Variants in TMPRSS13 observed in about 807,000 individuals in gnomAD.
TMPRSS13 encodes transmembrane serine protease 13.
TMPRSS13 carries 50 observed loss-of-function variants against 68.4 expected under a neutral mutation model. That is an observed-to-expected ratio of 0.73 (90% confidence interval 0.58 to 0.93). The LOEUF is 0.93. Ranked by LOEUF, TMPRSS13 falls within the 40% of genes least tolerant of loss-of-function variation. The pLI is 0.00. For missense variants in TMPRSS13, 615 were observed against 729.2 expected (o/e 0.84, Z 1.80); for synonymous variants, 267 against 285.8 (o/e 0.93, Z 0.66).
At chr11:117,908,281 G>T in intron 9 of TMPRSS13, 1 of 540,430 alleles carries the variant, frequency 1.9e-6, no homozygotes, top group Non-Finnish European at 3.2e-6. Flanking sequence ...TGTGTGAAAT[G>T]CCTACCATAG....
At chr11:117,907,070 T>C (rs2134880293) in intron 9 of TMPRSS13, among the ~76,000 whole-genome samples, 1 of 151,830 alleles carries the variant, frequency 6.6e-6, no homozygotes, top group African/African-American at 2.4e-5. Context: ...TAGCTTTCAT[T>C]CGCTTTTAGA....
At chr11:117,917,537 C>G (rs1197318455) in intron 2 of TMPRSS13, among the ~76,000 whole-genome samples, 7 of 152,240 alleles carry the variant, frequency 4.6e-5, no homozygotes, top group African/African-American at 1.4e-4. Flanking sequence ...CAGCCAGGCA[C>G]TTTGCCTGTG....
At position 117,904,058 on chromosome 11, in the gene TMPRSS13, G is replaced by C; in HGVS notation, c.1425C>G (p.Ile475Met). The change falls in exon 11 of 13, where the codon ATC becomes ATG. Residue 475 changes from isoleucine (I) to methionine (M), a missense_variant. Coordinates refer to ENST00000524993, the MANE Select transcript of TMPRSS13 (RefSeq NM_001077263.3). ...AGTAGTCATTGCATTTCTTGAAGTC[G>C]ATGAGATTGACCTGCACCTCCCGGA... The part of the protein sequence containing the change: ...PFLREVQVNL[I>M]DFKKCNDYLV... 6.2e-7 allele frequency: 1 copy of C among 1,614,072 alleles called. No homozygotes were observed. Among genetic ancestry groups the C allele is most frequent in the South Asian group, 1.1e-5 (1 of 91,014 alleles).
Position 117,915,012 on chromosome 11 carries a change from G to C in TMPRSS13, c.557-498C>G, listed in dbSNP as rs1028311630. Among the ~76,000 whole-genome samples, 1 of 152,156 alleles carries C rather than the reference G, an allele frequency of 6.6e-6. No individual in the cohort carries two copies. Among genetic ancestry groups the C allele is most frequent in the African/African-American group, 2.4e-5 (1 of 41,424 alleles). Reference sequence around the variant, plus strand: ...GGCGACCATCCTTCCAGCCTCAAAAGCTCCTAGGTTTTTTGCTTCTCCCTC... The same window carrying C: ...GGCGACCATCCTTCCAGCCTCAAAACCTCCTAGGTTTTTTGCTTCTCCCTC... On this transcript the variant is annotated intron_variant, in intron 3 of 12. Transcript: ENST00000524993. This position sits in a 1 kb window ranked among gnomAD's most constrained non-coding sequence, Gnocchi z 4.9.
At chr11:117,908,853 T>C in intron 8 of TMPRSS13, 69 bp from the exon 9 acceptor site, 3 of 1,442,006 alleles carry the variant, frequency 2.1e-6, no homozygotes, top group Non-Finnish European at 2.8e-6. Flanking sequence ...CCCTGCTACC[T>C]ACAGGGAGCC....
intron 5 of TMPRSS13, 115 bp downstream of exon 5, chr11:117,913,662 G>T: frequency 7.3e-7 from 1 of 1,373,952 alleles, no homozygotes; most frequent in Non-Finnish European, 9.9e-7. Flanking sequence ...AGTGAGATCA[G>T]CCCCGGTCCC....
chr11:117,922,384 G>A lies in TMPRSS13; in HGVS notation c.22-3546C>T, dbSNP rs986970542. 3.9e-5 allele frequency among the ~76,000 whole-genome samples: 6 copies of A among 152,130 alleles called. No homozygotes were observed. The highest frequency in any genetic ancestry group is 2.1e-4 in the South Asian group (1 of 4,818). On this transcript the variant is annotated intron_variant, in intron 1 of 12. Coordinates refer to ENST00000524993, the MANE Select transcript of TMPRSS13 (RefSeq NM_001077263.3). This position sits in a 1 kb window ranked among gnomAD's most constrained non-coding sequence, Gnocchi z 4.2. ...TGAGTACCTGGGACTACAGGCACGCGCCACTGTGCCCAGCTAATTTTTGTA... is the reference window on the plus strand; with the variant it reads ...TGAGTACCTGGGACTACAGGCACGCACCACTGTGCCCAGCTAATTTTTGTA...
intron 8 of TMPRSS13, 103 bp downstream of exon 8, chr11:117,909,701 TCA>T (rs1470926842): frequency 7.2e-7 from 1 of 1,390,692 alleles, no homozygotes; most frequent in Non-Finnish European, 9.7e-7. Flanking sequence ...GGGGCTGGAC[TCA>T]CACCCAGAAT....
In TMPRSS13 at chr11:117,904,037, G is replaced by A; in HGVS notation, c.1446C>T (p.Asp482=). 1 of 1,614,066 alleles carries A rather than the reference G, an allele frequency of 6.2e-7. No homozygotes were observed. ...TAAGGTAACTGTCATAGACCAAGTA[G>A]TCATTGCATTTCTTGAAGTCGATGA... ...VNLIDFKKCN[D]YLVYDSYLTP... The change falls in exon 11 of 13, where the codon GAC becomes GAT. Residue 482 remains aspartate, a synonymous_variant. Coordinates refer to ENST00000524993, the MANE Select transcript of TMPRSS13 (RefSeq NM_001077263.3).
intron 1 of TMPRSS13, among the ~76,000 whole-genome samples, chr11:117,924,177 C>CAAAGAAAAGAAAAGAAAAGAAAGAAAAGA (rs2057675953): frequency 9.5e-6 from 1 of 105,244 alleles, no homozygotes; most frequent in Non-Finnish European, 2.1e-5. Flanking sequence ...GACCCCATCT[C>CAAAGAAAAGAAAAGAAAAGAAAGAAAAGA]AAAGAAAAGA....
chr11:117,921,371 CAGAG>C (rs1266569662), intron 1 of TMPRSS13, among the ~76,000 whole-genome samples: 1 of 152,190 alleles, frequency 6.6e-6, no homozygotes, highest in Non-Finnish European at 1.5e-5. Flanking sequence ...ACCCGGGGCT[CAGAG>C]AGACGAAACA....
chr11:117,908,794 C>G lies in TMPRSS13; in HGVS notation c.1110-10G>C, dbSNP rs1218544963. On this transcript the variant is annotated splice_polypyrimidine_tract_variant and intron_variant, in intron 8 of 12. Coordinates refer to ENST00000524993, the MANE Select transcript of TMPRSS13 (RefSeq NM_001077263.3). ...GACCTTCTCCCGGGTCCTGCAAGAG[C>G]CACAAAGGAGCGTGGTCCAGTACCT... The G allele has an allele frequency of 6.3e-7, 1 of 1,593,590 alleles. No individual in the cohort carries two copies. Among genetic ancestry groups the G allele is most frequent in the South Asian group, 1.1e-5 (1 of 87,344 alleles).
chr11:117,923,838 T>TAAA (rs1555057480), intron 1 of TMPRSS13, among the ~76,000 whole-genome samples: 1,884 of 128,102 alleles, frequency 0.015, 62 homozygotes, highest in African/African-American at 0.049. Flanking sequence ...GTATAATAAT[T>TAAA]AAAAAAAAAA....
chr11:117,920,355 G>GT (rs1363888930), intron 1 of TMPRSS13, among the ~76,000 whole-genome samples: 3 of 152,246 alleles, frequency 2.0e-5, no homozygotes, highest in East Asian at 1.9e-4. Flanking sequence ...TTGCTCGTTT[G>GT]TTTTTTTGAG....
At chr11:117,911,009 A>G (rs772385383) in intron 6 of TMPRSS13, among the ~76,000 whole-genome samples, 1 of 152,190 alleles carries the variant, frequency 6.6e-6, no homozygotes, top group Non-Finnish European at 1.5e-5. Context: ...CATTGCAGAC[A>G]TTGGCCCAGA....
intron 10 of TMPRSS13, among the ~76,000 whole-genome samples, chr11:117,905,203 A>C (rs987610382): frequency 2.0e-5 from 3 of 151,606 alleles, no homozygotes; most frequent in African/African-American, 7.3e-5. Flanking sequence ...CCTCTAGATA[A>C]GATTATTAAG....
At chr11:117,926,077 C>A (rs1055394910) in intron 1 of TMPRSS13, among the ~76,000 whole-genome samples, 1 of 151,052 alleles carries the variant, frequency 6.6e-6, no homozygotes, top group African/African-American at 2.4e-5. Context: ...GGGCAGGTGC[C>A]AGGGTCCTTG....
At chr11:117,903,039 A>T in intron 12 of TMPRSS13, 1 of 1,050,038 alleles carries the variant, frequency 9.5e-7, no homozygotes, top group Middle Eastern at 4.7e-4. Context: ...AAAAAACATA[A>T]AATAACTTTT....
intron 9 of TMPRSS13, 87 bp downstream of exon 9, chr11:117,908,525 A>G: frequency 6.9e-7 from 1 of 1,442,038 alleles, no homozygotes; most frequent in Non-Finnish European, 9.4e-7. Flanking sequence ...GGGCCCGGAT[A>G]TGAGTTGACA....
Sources: gnomAD v4.1 joint callset for allele counts (sites outside exome capture counted in the v4.1 genomes callset) on GRCh38, gnomAD v4.1.1 for gene constraint, Gnocchi (gnomAD v3.1) non-coding constraint, MANE v1.5 for transcripts, NCBI Gene and HGNC (gene_info 2026-07-23, HGNC 2026-07-21) for gene names.